GALNT18: variants seen among roughly 807,000 people sequenced by gnomAD.
GALNT18 encodes the protein polypeptide N-acetylgalactosaminyltransferase 18.
A neutral mutation model predicts 69.5 loss-of-function variants in GALNT18; 44 were observed. The observed-to-expected ratio is 0.63, with a 90% CI of 0.50 to 0.81. The LOEUF is 0.81. Ranked by LOEUF, GALNT18 falls within the 40% of genes least tolerant of loss-of-function variation. GALNT18 has a pLI of 0.00. For missense variants in GALNT18, 715 were observed against 810.0 expected (o/e 0.88, Z 1.42); for synonymous variants, 364 against 318.2 (o/e 1.14, Z -1.53).
chr11:11,379,325 C>G, intron 3 of GALNT18, 61 bp from the exon 4 acceptor site: 1 of 1,476,166 alleles, frequency 6.8e-7, no homozygotes, highest in Non-Finnish European at 9.3e-7. Context: ...AGGGGGCAAT[C>G]ACAACAGTCA....
intron 10 of GALNT18, among the ~76,000 whole-genome samples, chr11:11,274,409 C>G (rs939056997): frequency 6.6e-6 from 1 of 152,206 alleles, no homozygotes; most frequent in African/African-American, 2.4e-5. Context: ...GTGGGTCCCA[C>G]TCCCACAGAG....
chr11:11,508,923 A>G (rs966575158), intron 1 of GALNT18, among the ~76,000 whole-genome samples: 10 of 152,208 alleles, frequency 6.6e-5, no homozygotes, highest in African/African-American at 2.4e-4. Flanking sequence ...AGAGAGGCTC[A>G]GAAATCTTTG....
intron 3 of GALNT18, among the ~76,000 whole-genome samples, chr11:11,422,621 GTT>G (rs374848510): frequency 0.031 from 4,379 of 142,080 alleles, 205 homozygotes; most frequent in African/African-American, 0.11. Flanking sequence ...TTTTTTTGTT[GTT>G]TTTTTTTTTT....
rs1266683340 is a variant in GALNT18 at position 11,358,295 on chromosome 11, GAATA to G, written c.1092+14216_1092+14219del. Among the ~76,000 whole-genome samples the G allele has an allele frequency of 4.3e-5, 6 of 140,388 alleles. 1 individual carries two copies. The highest frequency in any genetic ancestry group is 1.9e-4 in the East Asian group (1 of 5,170). 92.1% of individuals were successfully genotyped at this position (140,388 alleles called of 152,430 possible). A position where few individuals can be genotyped will look rare whatever the true frequency, so the allele number is the denominator to read the frequency against. On this transcript the variant is annotated intron_variant, in intron 6 of 10. Transcript: ENST00000227756. ...TATAATACATCTTCACTGTATGAATGAATAGACAGATGAATAATGCAAGCTTTTT... is the reference window on the plus strand; with the variant it reads ...TATAATACATCTTCACTGTATGAATGGACAGATGAATAATGCAAGCTTTTT...
At chr11:11,299,866 C>T (rs1378939814) in intron 9 of GALNT18, among the ~76,000 whole-genome samples, 3 of 152,188 alleles carry the variant, frequency 2.0e-5, no homozygotes, top group African/African-American at 4.8e-5. Flanking sequence ...TTGGAGATTC[C>T]TTAAAGAACT....
intron 3 of GALNT18, among the ~76,000 whole-genome samples, chr11:11,392,392 G>T (rs1854215248): frequency 6.6e-6 from 1 of 152,190 alleles, no homozygotes. Context: ...GGCCGAGGCA[G>T]GCAGATCACC....
In GALNT18 at chr11:11,459,132, C is replaced by T. The variant is rs1855985351; in HGVS notation, c.236-10196G>A. On this transcript the variant is annotated intron_variant, in intron 1 of 10. Transcript: ENST00000227756. The surrounding 1 kb of genome is among the most constrained non-coding windows in gnomAD (Gnocchi z 5.0). ...AAAACATCCTTGAATATGTCAAGTG[C>T]CCTAATAATGGTAAGTAAATGCACT... is the stretch of plus-strand genomic sequence containing the variant. Among the ~76,000 whole-genome samples the T allele has an allele frequency of 6.6e-6, 1 of 152,140 alleles. No individual in the cohort carries two copies. The highest frequency in any genetic ancestry group is 2.4e-5 in the African/African-American group (1 of 41,428).
At chr11:11,521,955 G>C (rs1857408269) in intron 1 of GALNT18, among the ~76,000 whole-genome samples, 1 of 152,178 alleles carries the variant, frequency 6.6e-6, no homozygotes, top group Admixed American at 6.5e-5. Context: ...GCTGACCCCA[G>C]AGAGGCCACT....
rs1363117204 is a variant in GALNT18, at chr11:11,413,217, G to A, written c.595+19404C>T. On this transcript the variant is annotated intron_variant, in intron 3 of 10. Coordinates refer to ENST00000227756, the MANE Select transcript of GALNT18 (RefSeq NM_198516.3). This position sits in a 1 kb window ranked among gnomAD's most constrained non-coding sequence, Gnocchi z 4.7. ...GGAGAAGCTAGAGAAGCTGGGACAA[G>A]CCCTGCACCGTGTAGCTCAGGCCCT... 6.6e-6 allele frequency among the ~76,000 whole-genome samples: 1 copy of A among 152,230 alleles called. No homozygotes were observed. The highest frequency in any genetic ancestry group is 2.4e-5 in the African/African-American group (1 of 41,472).
rs961800987 is a variant in GALNT18 at position 11,309,135 on chromosome 11, T to A, written c.1513-15942A>T. On this transcript the variant is annotated intron_variant, in intron 9 of 10. Transcript: ENST00000227756. This position sits in a 1 kb window ranked among gnomAD's most constrained non-coding sequence, Gnocchi z 4.6. The stretch of plus-strand genomic sequence containing the variant: ...TTAGTGCCATCATCAAGGGAATGGG[T>A]TCCTTGTAAAAGGACAAGTTTAGTC... Among the ~76,000 whole-genome samples the A allele has an allele frequency of 2.0e-5, 3 of 151,954 alleles. No individual in the cohort carries two copies. The highest frequency in any genetic ancestry group is 4.4e-5 in the Non-Finnish European group (3 of 67,970).
chr11:11,544,275 A>C (rs1349911273), intron 1 of GALNT18, among the ~76,000 whole-genome samples: 1 of 152,240 alleles, frequency 6.6e-6, no homozygotes, highest in East Asian at 1.9e-4. Flanking sequence ...GTGCCCTGGA[A>C]GCCAGGACTG....
chr11:11,384,734 C>T (rs143368223), intron 3 of GALNT18, among the ~76,000 whole-genome samples: 282 of 152,302 alleles, frequency 1.9e-3, no homozygotes, highest in African/African-American at 6.5e-3. Flanking sequence ...CCCAACCATG[C>T]TGGCGCCCTG....
At chr11:11,324,686 T>C (rs1344942335) in intron 9 of GALNT18, among the ~76,000 whole-genome samples, 1 of 152,226 alleles carries the variant, frequency 6.6e-6, no homozygotes, top group Non-Finnish European at 1.5e-5. Flanking sequence ...CATATGTTTG[T>C]TAGCTGTTTG....
At chr11:11,501,365 A>G (rs1331717155) in intron 1 of GALNT18, among the ~76,000 whole-genome samples, 1 of 152,234 alleles carries the variant, frequency 6.6e-6, no homozygotes, top group East Asian at 1.9e-4. Context: ...ATCTCACAGA[A>G]TCTTGGATCT....
chr11:11,540,451 C>A lies in GALNT18; in HGVS notation c.235+80908G>T, dbSNP rs147269234. ...AGGGCTGGCAGAGCTGCAGGTGATA[C>A]CTTGCCAATAGGAGACACGGCTGTT... is the stretch of plus-strand genomic sequence containing the variant. On this transcript the variant is annotated intron_variant, in intron 1 of 10. Transcript: ENST00000227756. This position sits in a 1 kb window ranked among gnomAD's most constrained non-coding sequence, Gnocchi z 4.6. Among the ~76,000 whole-genome samples the A allele has an allele frequency of 6.6e-6, 1 of 152,204 alleles. No individual in the cohort carries two copies. Among genetic ancestry groups the A allele is most frequent in the East Asian group, 1.9e-4 (1 of 5,158 alleles).
At chr11:11,615,443 G>A (rs1052508522) in intron 1 of GALNT18, among the ~76,000 whole-genome samples, 2 of 152,140 alleles carry the variant, frequency 1.3e-5, no homozygotes, top group South Asian at 4.1e-4. Flanking sequence ...ACTCAATGAA[G>A]TAAGATAACG....
intron 9 of GALNT18, among the ~76,000 whole-genome samples, chr11:11,323,807 T>C (rs77952438): frequency 6.6e-6 from 1 of 152,214 alleles, no homozygotes; most frequent in Non-Finnish European, 1.5e-5. Context: ...TCATCTGTAT[T>C]CCTGGCTTCT....
intron 1 of GALNT18, among the ~76,000 whole-genome samples, chr11:11,611,090 CAGAA>C (rs1159995556): frequency 2.0e-5 from 3 of 152,144 alleles, no homozygotes; most frequent in South Asian, 2.1e-4. Context: ...CCAGCATAAA[CAGAA>C]AGAGAGATTA....
chr11:11,534,953 C>T (rs1025221349), intron 1 of GALNT18, among the ~76,000 whole-genome samples: 1 of 152,256 alleles, frequency 6.6e-6, no homozygotes, highest in Non-Finnish European at 1.5e-5. Context: ...GTGGGGACGC[C>T]ATGGGGCAGG....
Sources: allele counts gnomAD v4.1 joint callset (sites outside exome capture counted in the v4.1 genomes callset), GRCh38; gene constraint gnomAD v4.1.1; non-coding constraint Gnocchi (gnomAD v3.1); transcripts MANE v1.5; gene names NCBI Gene and HGNC (gene_info 2026-07-23, HGNC 2026-07-21).